UNC80: variants seen among roughly 807,000 people sequenced by gnomAD.
UNC80 encodes the protein protein unc-80 homolog.
In UNC80, 164 loss-of-function variants were observed where a neutral mutation model predicts 384.6. The observed-to-expected ratio is 0.43, with a 90% CI of 0.38 to 0.49. The LOEUF is 0.49. UNC80 is among the 20% of genes least tolerant of loss of function. The probability of loss-of-function intolerance (pLI) is 0.00; values close to 1 mark genes in which losing one functional copy is unlikely to be tolerated. For missense variants in UNC80, 3,330 were observed against 4,143.0 expected (o/e 0.80, Z 5.39); for synonymous variants, 1,486 against 1,527.8 (o/e 0.97, Z 0.64).
intron 21 of UNC80, among the ~76,000 whole-genome samples, chr2:209,847,863 A>C (rs1261926834): frequency 6.6e-6 from 1 of 151,946 alleles, no homozygotes; most frequent in Non-Finnish European, 1.5e-5. Flanking sequence ...GTTATTACCT[A>C]ATGTATTTTA....
chr2:209,982,265 G>T lies in UNC80; in HGVS notation c.9205G>T (p.Val3069Phe), dbSNP rs759070569. 3 of 1,551,662 alleles carry T rather than the reference G, an allele frequency of 1.9e-6. No individual in the cohort carries two copies. Among genetic ancestry groups the T allele is most frequent in the South Asian group, 2.4e-5 (2 of 84,054 alleles). Reference protein sequence around the residue: ...AIGRRRFSSHVSSMSVPQAEV... With the variant: ...AIGRRRFSSHFSSMSVPQAEV... ...TGGAAGGAGGCGATTCTCCAGCCAT[G>T]TCTCCAGCATGTCTGTACCTCAGGC... is the stretch of plus-strand genomic sequence containing the variant. Residue 3069 changes from valine (V) to phenylalanine (F), a missense_variant, in exon 60 of 65, where the codon GTC (valine) becomes TTC (phenylalanine). Around this residue, in one of 8 missense-constraint regions of UNC80, gnomAD observed 216 missense variants for 245.3 expected, o/e 0.88. Coordinates refer to ENST00000673920, the MANE Select transcript of UNC80 (RefSeq NM_001371986.1).
At chr2:209,916,656 A>G (rs2089565197) in intron 31 of UNC80, among the ~76,000 whole-genome samples, 1 of 152,250 alleles carries the variant, frequency 6.6e-6, no homozygotes, top group African/African-American at 2.4e-5. Flanking sequence ...ACTAGATCAT[A>G]TGCATTATCT....
chr2:209,896,651 G>A (rs2086826040), intron 28 of UNC80, among the ~76,000 whole-genome samples: 1 of 152,144 alleles, frequency 6.6e-6, no homozygotes, highest in African/African-American at 2.4e-5. Flanking sequence ...TGGCTTGCAG[G>A]TCACCATAAA....
In UNC80 at chr2:209,842,330, C is replaced by T. The variant is rs2081826578; in HGVS notation, c.3358-20C>T. On this transcript the variant is annotated intron_variant, in intron 20 of 64. Coordinates refer to ENST00000673920, the MANE Select transcript of UNC80 (RefSeq NM_001371986.1). ...CTTTGAATCTTATCTCTCTACTTTC[C>T]TTTTTTTTTCTTTTTTCAGGTCAAA... is the stretch of plus-strand genomic sequence containing the variant. 2 of 1,488,588 alleles carry T rather than the reference C, an allele frequency of 1.3e-6. No individual in the cohort carries two copies. Among genetic ancestry groups the T allele is most frequent in the Admixed American group, 2.1e-5 (1 of 47,540 alleles). 92.2% of individuals were successfully genotyped at this position (1,488,588 alleles called of 1,614,324 possible).
intron 18 of UNC80, among the ~76,000 whole-genome samples, chr2:209,835,324 A>G (rs2081266724): frequency 6.6e-6 from 1 of 152,192 alleles, no homozygotes; most frequent in African/African-American, 2.4e-5. Flanking sequence ...AGTGTCCTCC[A>G]GTTTCTTGCT....
At chr2:209,836,506 T>C (rs750048095) in intron 18 of UNC80, among the ~76,000 whole-genome samples, 1 of 152,260 alleles carries the variant, frequency 6.6e-6, no homozygotes, top group Non-Finnish European at 1.5e-5. Context: ...TGTTCAGTGT[T>C]CTGTAAACAC....
chr2:209,995,875 C>G lies in UNC80; in HGVS notation c.*280C>G, dbSNP rs193140768. ...TGCACATTGTTTATGATTCAAGAAG[C>G]CTTCAGCAGTTAAAAATATATACTA... On this transcript the variant is annotated 3_prime_UTR_variant, in exon 65 of 65. Transcript: ENST00000673920. The G allele has an allele frequency of 8.0e-5, 27 of 338,416 alleles. No homozygotes were observed. The highest frequency in any genetic ancestry group is 7.7e-5 in the Non-Finnish European group (14 of 181,822). 21.0% of individuals were successfully genotyped at this position (338,416 alleles called of 1,614,324 possible).
intron 58 of UNC80, 110 bp from the exon 59 acceptor site, chr2:209,978,419 C>A: frequency 2.2e-6 from 2 of 908,664 alleles, no homozygotes; most frequent in Non-Finnish European, 3.2e-6. Flanking sequence ...TTGTCTGGGA[C>A]ACATTATTTA....
chr2:209,819,056 T>C lies in UNC80; in HGVS notation c.1757T>C (p.Val586Ala). ...AATACCACTTTGGCGTCATTCAACG[T>C]AGGCTATGCAGACTTTTTCAATGAG... The part of the protein sequence containing the change: ...TFNTTLASFN[V>A]GYADFFNEHM... The change falls in exon 12 of 65, where the codon GTA becomes GCA. Residue 586 changes from valine (V) to alanine (A), a missense_variant. Coordinates refer to ENST00000673920, the MANE Select transcript of UNC80 (RefSeq NM_001371986.1). 1.3e-6 allele frequency: 2 copies of C among 1,551,892 alleles called. No homozygotes were observed. Among genetic ancestry groups the C allele is most frequent in the Non-Finnish European group, 8.7e-7 (1 of 1,147,032 alleles).
Position 209,919,962 on chromosome 2 carries a change from A to G in UNC80, c.5343+1299A>G, listed in dbSNP as rs566210156. Among the ~76,000 whole-genome samples the G allele has an allele frequency of 2.0e-5, 3 of 152,290 alleles. No individual in the cohort carries two copies. In the South Asian group the frequency reaches 6.2e-4, roughly 32 times the overall value. On this transcript the variant is annotated intron_variant, in intron 33 of 64. Coordinates refer to ENST00000673920, the MANE Select transcript of UNC80 (RefSeq NM_001371986.1). ...CACAGTTCTTACCTTATGCCTTAAT[A>G]TAATAAACCAGCTTAGCTATCTGGC... is the stretch of plus-strand genomic sequence containing the variant.
chr2:209,969,922 T>C, intron 53 of UNC80, 31 bp downstream of exon 53: 1 of 1,550,568 alleles, frequency 6.4e-7, no homozygotes. Flanking sequence ...CTTATGAAAC[T>C]TTGCACAATG....
chr2:209,864,856 G>T (rs1168427793), intron 22 of UNC80, among the ~76,000 whole-genome samples: 3 of 152,250 alleles, frequency 2.0e-5, no homozygotes, highest in Non-Finnish European at 2.9e-5. Context: ...TTAAACAGCA[G>T]GCAGCCAGTG....
chr2:209,843,843 C>T (rs1031227244), intron 21 of UNC80, among the ~76,000 whole-genome samples: 9 of 152,126 alleles, frequency 5.9e-5, no homozygotes, highest in African/African-American at 2.2e-4. Flanking sequence ...AGAGAACTTT[C>T]CCATATCACT....
rs189471463 is a variant in UNC80, at chr2:209,848,096, A to T, written c.3455-1355A>T. ...TAGTTATAAAAAATAACAGGAATTT[A>T]CCTGTTCTAGTAGCTTTGGTAATGT... is the stretch of plus-strand genomic sequence containing the variant. On this transcript the variant is annotated intron_variant, in intron 21 of 64. Coordinates refer to ENST00000673920, the MANE Select transcript of UNC80 (RefSeq NM_001371986.1). 3.7e-3 allele frequency among the ~76,000 whole-genome samples: 557 copies of T among 152,174 alleles called. 2 individuals carry two copies. Among genetic ancestry groups the T allele is most frequent in the Non-Finnish European group, 5.9e-3 (398 of 67,960 alleles).
At chr2:209,802,578 G>A (rs924322880) in intron 7 of UNC80, among the ~76,000 whole-genome samples, 5 of 152,142 alleles carry the variant, frequency 3.3e-5, no homozygotes, top group Non-Finnish European at 5.9e-5. Flanking sequence ...CCCTCTTGAA[G>A]TTTGTTTTAG....
chr2:209,981,720 A>T lies in UNC80; in HGVS notation c.9119-459A>T, dbSNP rs550610247. The stretch of plus-strand genomic sequence containing the variant: ...TTATAGCTTTCAAATATTTTTCCTA[A>T]AAATATCTGAAATTGTCTTTCCCTC... On this transcript the variant is annotated intron_variant, in intron 59 of 64. Transcript: ENST00000673920. Among the ~76,000 whole-genome samples, 68 of 152,372 alleles carry T rather than the reference A, an allele frequency of 4.5e-4. 1 individual carries two copies. The South Asian group carries it at 0.012, about 27-fold the overall frequency.
At chr2:209,941,132 G>A in intron 43 of UNC80, 89 bp from the exon 44 acceptor site, 1 of 1,398,278 alleles carries the variant, frequency 7.2e-7, no homozygotes, top group Non-Finnish European at 9.4e-7. Flanking sequence ...AACAAACGGA[G>A]AACAGCAGCG....
At position 209,772,126 on chromosome 2, in the gene UNC80, C is replaced by T. The variant is rs1326613587; in HGVS notation, c.54C>T (p.Ile18=). The T allele has an allele frequency of 3.2e-6, 5 of 1,548,668 alleles. No homozygotes were observed. The African/African-American group carries it at 4.1e-5, about 13-fold the overall frequency. Residue 18 remains isoleucine (I), a synonymous_variant, in exon 1 of 65, where the codon ATC becomes ATT. Transcript: ENST00000673920. ...AGGAGCAGGACGGCGGCCGCGGCATCCCCCTGCCCATCCAGACCTTCCTGT... is the reference window on the plus strand; with the variant it reads ...AGGAGCAGGACGGCGGCCGCGGCATTCCCCTGCCCATCCAGACCTTCCTGT... ...EGQEQDGGRG[I]PLPIQTFLWR...
Position 209,961,834 on chromosome 2 carries a change from C to T in UNC80, c.7805+2127C>T, listed in dbSNP as rs548502600. Among the ~76,000 whole-genome samples, 9 of 152,216 alleles carry T rather than the reference C, an allele frequency of 5.9e-5. No homozygotes were observed. The South Asian group carries it at 1.0e-3, about 18-fold the overall frequency. ...GAAAGTCAACTGATAAAAGGCAGATCATAATCAAAAAGCATGAAAATGTAT... is the reference window on the plus strand; with the variant it reads ...GAAAGTCAACTGATAAAAGGCAGATTATAATCAAAAAGCATGAAAATGTAT... On this transcript the variant is annotated intron_variant, in intron 51 of 64. Transcript: ENST00000673920.
Sources: allele counts gnomAD v4.1 joint callset (sites outside exome capture counted in the v4.1 genomes callset), GRCh38; gene constraint gnomAD v4.1.1; regional missense constraint gnomAD v4.1.1; transcripts MANE v1.5; gene names NCBI Gene and HGNC (gene_info 2026-07-23, HGNC 2026-07-21).